RHOJ: variants seen among roughly 807,000 people sequenced by gnomAD.
The protein encoded by RHOJ is ras homolog family member J, also known as rho-related GTP-binding protein RhoJ.
A neutral mutation model predicts 23.4 loss-of-function variants in RHOJ; 11 were observed. The observed-to-expected ratio is 0.47, with a 90% CI of 0.30 to 0.78. RHOJ has a LOEUF of 0.78. Among genes scored for constraint, RHOJ ranks in the 30% least tolerant of loss-of-function variants. RHOJ has a pLI of 0.08. For synonymous variants in RHOJ, 102 were observed against 102.7 expected, an observed-to-expected ratio of 0.99 and a Z score of 0.04; for missense variants, 254 against 273.4, an observed-to-expected ratio of 0.93 and a Z score of 0.50.
chr14:63,291,500 ATT>A lies in RHOJ; in HGVS notation c.*478_*479del, dbSNP rs1048072996. 5.2e-6 allele frequency: 1 copy of A among 190,642 alleles called. No homozygotes were observed. The highest frequency in any genetic ancestry group is 2.4e-5 in the African/African-American group (1 of 41,860). The allele number at this position is 190,642 out of a possible 1,614,324, so 11.8% of individuals were successfully genotyped here. ...CATGTGTCTCACATTCATTTGTATT[ATT>A]TCAAGAAATGTACTAATTTCCAGTT... On this transcript the variant is annotated 3_prime_UTR_variant, in exon 5 of 5. Transcript: ENST00000316754.
intron 1 of RHOJ, 112 bp from the exon 2 acceptor site, chr14:63,268,998 A>G (rs1594772977): frequency 1.4e-6 from 1 of 736,944 alleles, no homozygotes; most frequent in Non-Finnish European, 2.4e-6. Flanking sequence ...AGCGAGGCAT[A>G]TGCTTCTTCT....
intron 1 of RHOJ, among the ~76,000 whole-genome samples, chr14:63,236,579 G>T (rs1287807762): frequency 6.6e-6 from 1 of 152,138 alleles, no homozygotes; most frequent in Non-Finnish European, 1.5e-5. Flanking sequence ...CTGCCCCCAT[G>T]ATTCAGCCAC....
intron 1 of RHOJ, among the ~76,000 whole-genome samples, chr14:63,215,719 C>T (rs781021717): frequency 6.6e-6 from 1 of 152,120 alleles, no homozygotes; most frequent in African/African-American, 2.4e-5. Context: ...TTAAGTTGGT[C>T]CCCCTTTCAA....
At chr14:63,226,623 G>A (rs1894599029) in intron 1 of RHOJ, among the ~76,000 whole-genome samples, 1 of 151,272 alleles carries the variant, frequency 6.6e-6, no homozygotes, top group African/African-American at 2.4e-5. Flanking sequence ...CTCAGCATAT[G>A]TATAACTGGA....
In RHOJ at chr14:63,213,200, G is replaced by A. The variant is rs186425574; in HGVS notation, c.178+8153G>A. ...TTGTTATCTGGGTATATTGCATGAT[G>A]CTGACATTTAGGATATGAATGATCT... On this transcript the variant is annotated intron_variant, in intron 1 of 4. Transcript: ENST00000316754. 4.9e-4 allele frequency among the ~76,000 whole-genome samples: 74 copies of A among 152,310 alleles called. 1 individual carries two copies. The East Asian group carries it at 5.0e-3, about 10-fold the overall frequency.
chr14:63,246,413 C>T (rs1894976647), intron 1 of RHOJ, among the ~76,000 whole-genome samples: 2 of 152,192 alleles, frequency 1.3e-5, no homozygotes, highest in South Asian at 4.1e-4. Flanking sequence ...ATAAAAACCA[C>T]ATCGTAGGTA....
chr14:63,209,168 C>T (rs1226841630), intron 1 of RHOJ, among the ~76,000 whole-genome samples: 4 of 152,104 alleles, frequency 2.6e-5, no homozygotes, highest in Non-Finnish European at 5.9e-5. Context: ...ATCTCTCATC[C>T]AAACTACTAT....
chr14:63,291,206 C>G lies in RHOJ; in HGVS notation c.*182C>G. ...CTAGTCAGCCCACTGCCACGACCTC[C>G]CTGCCAGCCAGAAGCATCCGTACTG... On this transcript the variant is annotated 3_prime_UTR_variant, in exon 5 of 5. Transcript: ENST00000316754. 2 of 690,744 alleles carry G rather than the reference C, an allele frequency of 2.9e-6. No individual in the cohort carries two copies. 42.8% of individuals were successfully genotyped at this position (690,744 alleles called of 1,614,324 possible). A position where few individuals can be genotyped will look rare whatever the true frequency, so the allele number is the denominator to read the frequency against.
intron 1 of RHOJ, among the ~76,000 whole-genome samples, chr14:63,241,178 A>G (rs1290367978): frequency 6.6e-6 from 1 of 152,202 alleles, no homozygotes; most frequent in East Asian, 1.9e-4. Context: ...CATTCATTCC[A>G]TGGTCATTGA....
chr14:63,244,875 A>G (rs1894948493), intron 1 of RHOJ, among the ~76,000 whole-genome samples: 1 of 152,232 alleles, frequency 6.6e-6, no homozygotes, highest in African/African-American at 2.4e-5. Context: ...TTTTGATGTC[A>G]TTATTCTTGT....
At chr14:63,244,534 C>A (rs751451394) in intron 1 of RHOJ, among the ~76,000 whole-genome samples, 10 of 152,236 alleles carry the variant, frequency 6.6e-5, no homozygotes, top group Non-Finnish European at 1.2e-4. Flanking sequence ...GCCGAGATCA[C>A]GCCATTGCAC....
chr14:63,258,342 C>T (rs1303147488), intron 1 of RHOJ, among the ~76,000 whole-genome samples: 1 of 151,938 alleles, frequency 6.6e-6, no homozygotes, highest in Non-Finnish European at 1.5e-5. Context: ...CCATGCTAGC[C>T]TTGACAGTGT....
At chr14:63,281,912 A>G (rs187128033) in intron 3 of RHOJ, among the ~76,000 whole-genome samples, 23 of 152,332 alleles carry the variant, frequency 1.5e-4, no homozygotes, top group African/African-American at 5.3e-4. Flanking sequence ...TTCATACGCT[A>G]TTTCTTTCTA....
At chr14:63,235,669 A>G (rs1422106594) in intron 1 of RHOJ, among the ~76,000 whole-genome samples, 4 of 152,208 alleles carry the variant, frequency 2.6e-5, no homozygotes, top group Non-Finnish European at 5.9e-5. Context: ...AAAAATTGGA[A>G]TAAAATCCTC....
chr14:63,251,258 T>C (rs1382265408), intron 1 of RHOJ, among the ~76,000 whole-genome samples: 1 of 152,132 alleles, frequency 6.6e-6, no homozygotes, highest in African/African-American at 2.4e-5. Context: ...CCCTGGTCCA[T>C]AGTAGATTCT....
At chr14:63,242,766 A>G (rs2139632827) in intron 1 of RHOJ, among the ~76,000 whole-genome samples, 1 of 152,268 alleles carries the variant, frequency 6.6e-6, no homozygotes, top group Non-Finnish European at 1.5e-5. Flanking sequence ...AAAAACTCAT[A>G]AGCTCTCATC....
chr14:63,240,459 ATGCT>A (rs376393934), intron 1 of RHOJ, among the ~76,000 whole-genome samples: 5 of 152,316 alleles, frequency 3.3e-5, no homozygotes, highest in African/African-American at 1.2e-4. Flanking sequence ...AGTATAACAA[ATGCT>A]TGCTGGTTGA....
At chr14:63,241,203 T>C (rs1049541730) in intron 1 of RHOJ, among the ~76,000 whole-genome samples, 6 of 152,142 alleles carry the variant, frequency 3.9e-5, no homozygotes, top group East Asian at 1.9e-4. Context: ...TACGTTTTTG[T>C]AATGTGGATT....
Position 63,269,158 on chromosome 14 carries a change from C to T in RHOJ, c.227C>T (p.Thr76Ile). The T allele has an allele frequency of 6.2e-7, 1 of 1,611,762 alleles. No individual in the cohort carries two copies. ...CAACACTTGCTCGGACTGTATGACACCGCGGGACAGGTACATTTTTATTAT... is the reference window on the plus strand; with the variant it reads ...CAACACTTGCTCGGACTGTATGACATCGCGGGACAGGTACATTTTTATTAT... Reference protein sequence around the residue: ...GKQHLLGLYDTAGQEDYNQLR... With the variant: ...GKQHLLGLYDIAGQEDYNQLR... Residue 76 changes from threonine (T) to isoleucine (I), a missense_variant, in exon 2 of 5, where the codon ACC becomes ATC. Coordinates refer to ENST00000316754, the MANE Select transcript of RHOJ (RefSeq NM_020663.5).
Sources: allele counts gnomAD v4.1 joint callset (sites outside exome capture counted in the v4.1 genomes callset), GRCh38; gene constraint gnomAD v4.1.1; transcripts MANE v1.5; gene names NCBI Gene and HGNC (gene_info 2026-07-23, HGNC 2026-07-21).